SP140: variants seen among roughly 807,000 people sequenced by gnomAD.
SP140 encodes the protein SP140 nuclear body protein.
Under a neutral mutation model 125.0 loss-of-function variants are expected in SP140, and 81 were observed. The observed-to-expected ratio is 0.65, with a 90% CI of 0.54 to 0.78. The LOEUF is 0.78. SP140 is among the 30% of genes least tolerant of loss of function. The pLI is 0.00. For synonymous variants in SP140, 312 were observed against 354.0 expected, an observed-to-expected ratio of 0.88 and a Z score of 1.33; for missense variants, 858 against 1,037.0, an observed-to-expected ratio of 0.83 and a Z score of 2.37.
At position 230,242,000 on chromosome 2, in the gene SP140, A is replaced by G. The variant is rs536903682; in HGVS notation, c.490+513A>G. Among the ~76,000 whole-genome samples, 9 of 152,256 alleles carry G rather than the reference A, an allele frequency of 5.9e-5. No homozygotes were observed. The South Asian group carries it at 1.9e-3, about 32-fold the overall frequency. On this transcript the variant is annotated intron_variant, in intron 4 of 26. Coordinates refer to ENST00000392045, the MANE Select transcript of SP140 (RefSeq NM_007237.5). ...ATGGAGAGAGAGGGGAGCCTGAAAGATAGAATTGCGCAGGGAGACAAAACT... is the reference window on the plus strand; with the variant it reads ...ATGGAGAGAGAGGGGAGCCTGAAAGGTAGAATTGCGCAGGGAGACAAAACT...
At chr2:230,186,222 T>C in the SP140 span, 1 of 1,369,356 alleles carries the variant, frequency 7.3e-7, no homozygotes, top group Non-Finnish European at 1.0e-6. Context: ...GGAGTTATCT[T>C]GCCATTTCTC....
the SP140 span, among the ~76,000 whole-genome samples, chr2:230,195,635 T>C: frequency 6.6e-6 from 1 of 152,238 alleles, no homozygotes; most frequent in East Asian, 1.9e-4. Flanking sequence ...TTATTAATTT[T>C]AAAATTAATA....
intron 12 of SP140, among the ~76,000 whole-genome samples, chr2:230,263,706 C>T (rs1017919044): frequency 5.3e-5 from 8 of 152,156 alleles, no homozygotes; most frequent in South Asian, 4.1e-4. Context: ...CTGAAAAAGA[C>T]TGTATCTTTC....
intron 3 of SP140, chr2:230,219,835 C>T (rs1244048941): frequency 2.3e-6 from 2 of 865,638 alleles, no homozygotes; most frequent in South Asian, 1.1e-4. Flanking sequence ...GCTGCAGTCA[C>T]CAAGAGCGAA....
chr2:230,294,290 C>G lies in SP140; in HGVS notation c.1988C>G (p.Pro663Arg), dbSNP rs1027589530. The change falls in exon 21 of 27, where the codon CCT (proline) becomes CGT (arginine). Residue 663 changes from proline (P) to arginine (R), a missense_variant. Coordinates refer to ENST00000392045, the MANE Select transcript of SP140 (RefSeq NM_007237.5). ...TTTCAGAATGGATTTCTGCCTGATC[C>G]TCCAAGAATACGTTACAGGAAAAAA... ...WLMENGFLPD[P>R]PRIRYRKKKR... 1 of 1,612,922 alleles carries G rather than the reference C, an allele frequency of 6.2e-7. No individual in the cohort carries two copies. Among genetic ancestry groups the G allele is most frequent in the East Asian group, 2.2e-5 (1 of 44,884 alleles).
At chr2:230,271,717 C>T (rs753623921) in intron 15 of SP140, among the ~76,000 whole-genome samples, 4 of 151,934 alleles carry the variant, frequency 2.6e-5, no homozygotes, top group Non-Finnish European at 4.4e-5. Flanking sequence ...AGCTGCTAAA[C>T]GAAAAAGAAT....
At chr2:230,235,202 G>A (rs2047793958) in intron 1 of SP140, 1 of 152,156 alleles carries the variant, frequency 6.6e-6, no homozygotes, top group African/African-American at 2.4e-5. Flanking sequence ...ACAATCTCTC[G>A]ATTTTCATCT....
At chr2:230,221,599 G>C, upstream of SP140, 1 of 1,067,728 alleles carries the variant, frequency 9.4e-7, no homozygotes, top group Non-Finnish European at 1.4e-6. Context: ...CTGAGGAGAG[G>C]GTGCATTGAT....
At chr2:230,209,819 G>A in intron 1 of SP140, 1 of 758,516 alleles carries the variant, frequency 1.3e-6, no homozygotes, top group East Asian at 2.4e-5. Context: ...AACTGTGTGT[G>A]GCATCAGGAC....
chr2:230,226,941 G>A (rs7584894), intron 1 of SP140, among the ~76,000 whole-genome samples: 19,876 of 151,966 alleles, frequency 0.13, 1,482 homozygotes, highest in Middle Eastern at 0.22. Context: ...TATTTGTATA[G>A]CATTTACATT....
chr2:230,259,212 G>A (rs898795131), intron 12 of SP140, among the ~76,000 whole-genome samples: 3 of 151,974 alleles, frequency 2.0e-5, no homozygotes, highest in Non-Finnish European at 2.9e-5. Flanking sequence ...AGCAGTATAC[G>A]CTGCACCATA....
At chr2:230,287,493 T>C (rs987445934) in intron 17 of SP140, among the ~76,000 whole-genome samples, 1 of 152,224 alleles carries the variant, frequency 6.6e-6, no homozygotes, top group Non-Finnish European at 1.5e-5. Flanking sequence ...ACGGTAATCA[T>C]CATTTTGATC....
chr2:230,196,878 T>A, the SP140 span, among the ~76,000 whole-genome samples: 1 of 152,212 alleles, frequency 6.6e-6, no homozygotes, highest in Non-Finnish European at 1.5e-5. Flanking sequence ...GAACTCATCA[T>A]TTTTTATGGC....
chr2:230,216,622 C>T (rs1180731945), intron 3 of SP140, among the ~76,000 whole-genome samples: 1 of 152,250 alleles, frequency 6.6e-6, no homozygotes, highest in African/African-American at 2.4e-5. Context: ...GCCCCTATGA[C>T]ACCCTCTCTC....
At chr2:230,220,752 C>T (rs1428690125), upstream of SP140, among the ~76,000 whole-genome samples, 1 of 152,106 alleles carries the variant, frequency 6.6e-6, no homozygotes, top group African/African-American at 2.4e-5. Context: ...GCCTATAATC[C>T]CAGGACTTTA....
At chr2:230,263,580 T>C (rs2052616627) in intron 12 of SP140, among the ~76,000 whole-genome samples, 1 of 152,244 alleles carries the variant, frequency 6.6e-6, no homozygotes, top group Admixed American at 6.5e-5. Flanking sequence ...TGATTTATGC[T>C]TTAAAGAGGT....
At chr2:230,284,682 A>G (rs1476970692) in intron 16 of SP140, among the ~76,000 whole-genome samples, 1 of 152,226 alleles carries the variant, frequency 6.6e-6, no homozygotes, top group Non-Finnish European at 1.5e-5. Flanking sequence ...AAGTATTTTT[A>G]TTAATTTGGA....
At chr2:230,218,806 C>T (rs572783175) in intron 3 of SP140, among the ~76,000 whole-genome samples, 2 of 152,012 alleles carry the variant, frequency 1.3e-5, no homozygotes, top group South Asian at 2.1e-4. Flanking sequence ...ATTTTGCAAA[C>T]GAATAAGCAA....
intron 22 of SP140, among the ~76,000 whole-genome samples, chr2:230,305,756 C>T (rs1432415098): frequency 6.6e-6 from 1 of 152,234 alleles, no homozygotes; most frequent in Non-Finnish European, 1.5e-5. Context: ...ACCCAGCCAG[C>T]AATGCGGCCC....
Sources: allele counts gnomAD v4.1 joint callset (sites outside exome capture counted in the v4.1 genomes callset), GRCh38; gene constraint gnomAD v4.1.1; transcripts MANE v1.5; gene names NCBI Gene and HGNC (gene_info 2026-07-23, HGNC 2026-07-21).